TTF1: variants seen among roughly 807,000 people sequenced by gnomAD.
TTF1 encodes transcription termination factor 1.
Under a neutral mutation model 80.2 loss-of-function variants are expected in TTF1, and 64 were observed. The ratio of observed to expected loss-of-function variants is 0.80; its 90% CI spans 0.65 to 0.98. The LOEUF is 0.98. Among genes scored for constraint, TTF1 ranks in the 50% least tolerant of loss-of-function variants. The pLI is 0.00. For missense variants in TTF1, 1,023 were observed against 1,086.2 expected (o/e 0.94, Z 0.82); for synonymous variants, 372 against 382.7 (o/e 0.97, Z 0.33).
At chr9:132,397,996 A>AG in intron 4 of TTF1, 145 bp downstream of exon 4, 1 of 629,106 alleles carries the variant, frequency 1.6e-6, no homozygotes, top group East Asian at 3.4e-5. Flanking sequence ...AAAAAAAAAA[A>AG]AAAGAATATC....
intron 9 of TTF1, among the ~76,000 whole-genome samples, chr9:132,385,627 C>T (rs1178065448): frequency 1.3e-5 from 2 of 152,192 alleles, no homozygotes; most frequent in Non-Finnish European, 2.9e-5. Flanking sequence ...ACCCTGCCAC[C>T]GCTTCTGCTT....
rs771787943 is a variant in TTF1, at chr9:132,402,694, A to T, written c.128T>A (p.Val43Glu). ...CCTAGTTATTTGAGACTGTTCATTC[A>T]CCAGGGAGGAGTCTCTGAAAATTTC... Reference protein sequence around the residue: ...SHEIFRDSSLVNEQSQITRRK... With the variant: ...SHEIFRDSSLENEQSQITRRK... The change falls in exon 2 of 11, where the codon GTG (valine) becomes GAG (glutamate). Residue 43 changes from valine to glutamate, a missense_variant. Transcript: ENST00000334270. 3 of 1,614,062 alleles carry T rather than the reference A, an allele frequency of 1.9e-6. No individual in the cohort carries two copies. The highest frequency in any genetic ancestry group is 2.5e-6 in the Non-Finnish European group (3 of 1,180,034).
chr9:132,381,559 T>G (rs1849372571), intron 9 of TTF1, among the ~76,000 whole-genome samples: 1 of 152,182 alleles, frequency 6.6e-6, no homozygotes. Context: ...GTTCTCAAGA[T>G]GGGAGCTGGT....
At chr9:132,390,934 G>A (rs2131635413) in intron 6 of TTF1, 103 bp from the exon 7 acceptor site, 2 of 1,025,144 alleles carry the variant, frequency 2.0e-6, no homozygotes, top group Non-Finnish European at 2.9e-6. Flanking sequence ...AAAATAATGT[G>A]CATCTCAATT....
Position 132,400,235 on chromosome 9 carries a change from TGTTCTTCATTTGCAG to T in TTF1, c.1376_1390del (p.Pro459_Glu463del). The T allele has an allele frequency of 6.2e-7, 1 of 1,614,248 alleles. No individual in the cohort carries two copies. The highest frequency in any genetic ancestry group is 2.2e-5 in the East Asian group (1 of 44,882). On this transcript the variant is annotated inframe_deletion, in exon 3 of 11. Transcript: ENST00000334270. ...GGAATCTTCAGCTGTTTCCACATTG[TGTTCTTCATTTGCAG>T]GTTCTAACCTAAGGGGTTAGAAAAT...
At chr9:132,381,015 G>A (rs1368063042) in intron 9 of TTF1, among the ~76,000 whole-genome samples, 6 of 151,926 alleles carry the variant, frequency 3.9e-5, no homozygotes, top group African/African-American at 7.3e-5. Flanking sequence ...AGGCTCAAGC[G>A]ATCCTCCCAC....
chr9:132,376,252 G>A (rs1305071552), intron 10 of TTF1, 84 bp from the exon 11 acceptor site: 4 of 1,388,334 alleles, frequency 2.9e-6, no homozygotes, highest in African/African-American at 1.4e-5. Flanking sequence ...GGCTGGTAAT[G>A]AATATGAACT....
In TTF1 at chr9:132,389,782, T is replaced by C. The variant is rs112164193; in HGVS notation, c.2222+815A>G. Among the ~76,000 whole-genome samples the C allele has an allele frequency of 2.7e-3, 408 of 152,272 alleles. 1 individual carries two copies. Among genetic ancestry groups the C allele is most frequent in the African/African-American group, 9.1e-3 (379 of 41,550 alleles). On this transcript the variant is annotated intron_variant, in intron 7 of 10. Coordinates refer to ENST00000334270, the MANE Select transcript of TTF1 (RefSeq NM_007344.4). ...GACTCTCCAGGTCTTGGAAAAGCTA[T>C]ATCCAGCAAAGAATGTGTGGCAGAA...
rs1849542079 is a variant in TTF1, at chr9:132,390,603, C to T, written c.2216G>A (p.Ser739Asn). 1 of 1,614,140 alleles carries T rather than the reference C, an allele frequency of 6.2e-7. No homozygotes were observed. The highest frequency in any genetic ancestry group is 8.5e-7 in the Non-Finnish European group (1 of 1,179,972). The change falls in exon 7 of 11, where the codon AGT becomes AAT. Residue 739 changes from serine to asparagine, a missense_variant. Physicochemically the swap from Ser to Asn is conservative, Grantham distance 46. Coordinates refer to ENST00000334270, the MANE Select transcript of TTF1 (RefSeq NM_007344.4). ...VQTRNWMQCK[S>N]KWTEILTKRM... ...GAGAGAGGGAAGAACTTACCACTTA[C>T]TTTTACACTGCATCCAATTTCTGGT...
chr9:132,406,149 A>G lies in TTF1; in HGVS notation c.-8+641T>C, dbSNP rs189898618. Among the ~76,000 whole-genome samples, 472 of 152,126 alleles carry G rather than the reference A, an allele frequency of 3.1e-3. 2 individuals are homozygous for G. Among genetic ancestry groups the G allele is most frequent in the African/African-American group, 0.011 (458 of 41,502 alleles). ...ATTTATCCCCCCTTACTCAGAACAT[A>G]CACTTCCCGCTCTGCAGGTACGTGC... On this transcript the variant is annotated intron_variant, in intron 1 of 10. Transcript: ENST00000334270.
In TTF1 at chr9:132,377,310, G is replaced by GTGCA. The variant is rs1189170690; in HGVS notation, c.2465-1146_2465-1143dup. Among the ~76,000 whole-genome samples, 210 of 147,054 alleles carry GTGCA rather than the reference G, an allele frequency of 1.4e-3. 2 individuals carry two copies. The highest frequency in any genetic ancestry group is 4.6e-3 in the African/African-American group (182 of 39,750). ...GTGCATGTGAATGCATGTGGTGTGA[G>GTGCA]TGCATGTGGTGTGTGTGTGAATGCA... On this transcript the variant is annotated intron_variant, in intron 10 of 10. Coordinates refer to ENST00000334270, the MANE Select transcript of TTF1 (RefSeq NM_007344.4).
chr9:132,376,671 T>G (rs993365451), intron 10 of TTF1, among the ~76,000 whole-genome samples: 1 of 151,486 alleles, frequency 6.6e-6, no homozygotes, highest in African/African-American at 2.4e-5. Context: ...CCTTTTTTTT[T>G]TTTTTTTTTG....
At chr9:132,397,623 T>G (rs1351101390) in intron 4 of TTF1, among the ~76,000 whole-genome samples, 6 of 152,282 alleles carry the variant, frequency 3.9e-5, no homozygotes, top group African/African-American at 1.2e-4. Context: ...AGTTGATCAT[T>G]TAATTTTTCA....
At chr9:132,396,579 A>G in intron 4 of TTF1, 68 bp from the exon 5 acceptor site, 1 of 1,319,734 alleles carries the variant, frequency 7.6e-7, no homozygotes, top group Non-Finnish European at 1.1e-6. Context: ...AAAGGAACCC[A>G]GAACAGCCCT....
intron 9 of TTF1, among the ~76,000 whole-genome samples, chr9:132,385,609 G>A (rs1012397795): frequency 1.1e-4 from 16 of 152,082 alleles, no homozygotes; most frequent in Non-Finnish European, 8.8e-5. Context: ...TCTCATCCCC[G>A]CATGGCTACC....
At position 132,402,503 on chromosome 9, in the gene TTF1, C is replaced by T; in HGVS notation, c.319G>A (p.Val107Met). 2 of 1,614,210 alleles carry T rather than the reference C, an allele frequency of 1.2e-6. No homozygotes were observed. Among genetic ancestry groups the T allele is most frequent in the African/African-American group, 2.7e-5 (2 of 75,040 alleles). The change falls in exon 2 of 11, where the codon GTG becomes ATG. Residue 107 changes from valine to methionine, a missense_variant. Val to Met is a conservative substitution (Grantham distance 21). Transcript: ENST00000334270. ...GTGTTGTTAATATTTTCTTTATCCA[C>T]AAGGACAACTGTAACACCTGCTTCC... ...DEEAGVTVVL[V>M]DKENINNTPK...
Position 132,402,570 on chromosome 9 carries a change from T to G in TTF1, c.252A>C (p.Lys84Asn), listed in dbSNP as rs1849787144. ...DETANATSTL[K>N]KRKKRRYSAL... is the part of the protein sequence containing the mutation. Reference sequence around the variant, plus strand: ...CACTATATCTTCTCTTTTTTCTCTTTTTGAGTGTGGAAGTGGCATTTGCAG... The same window carrying G: ...CACTATATCTTCTCTTTTTTCTCTTGTTGAGTGTGGAAGTGGCATTTGCAG... Residue 84 changes from lysine to asparagine, a missense_variant, in exon 2 of 11, where the codon AAA becomes AAC. Coordinates refer to ENST00000334270, the MANE Select transcript of TTF1 (RefSeq NM_007344.4). 2 of 1,614,228 alleles carry G rather than the reference T, an allele frequency of 1.2e-6. No individual in the cohort carries two copies. The highest frequency in any genetic ancestry group is 3.3e-4 in the Middle Eastern group (2 of 6,062).
intron 10 of TTF1, among the ~76,000 whole-genome samples, chr9:132,378,684 G>T (rs1161706953): frequency 6.9e-6 from 1 of 145,320 alleles, no homozygotes; most frequent in East Asian, 2.1e-4. Flanking sequence ...TGCATGTGGT[G>T]TGTGTGAGTG....
intron 10 of TTF1, among the ~76,000 whole-genome samples, chr9:132,377,434 T>A (rs1400266669): frequency 1.6e-5 from 2 of 122,578 alleles, no homozygotes; most frequent in South Asian, 3.0e-4. Flanking sequence ...GCATGTGGTG[T>A]GAGTGCATGC....
Sources: gnomAD v4.1 joint callset for allele counts (sites outside exome capture counted in the v4.1 genomes callset) on GRCh38, gnomAD v4.1.1 for gene constraint, MANE v1.5 for transcripts, NCBI Gene and HGNC (gene_info 2026-07-23, HGNC 2026-07-21) for gene names.